Variants in ALMS1 observed in about 807,000 individuals in gnomAD.
ALMS1 encodes ALMS1 centrosome and basal body associated protein.
ALMS1 carries 271 observed loss-of-function variants against 352.2 expected under a neutral mutation model. The ratio of observed to expected loss-of-function variants is 0.77; its 90% CI spans 0.70 to 0.85. ALMS1 has a LOEUF of 0.85. Among genes scored for constraint, ALMS1 ranks in the 40% least tolerant of loss-of-function variants. The probability of loss-of-function intolerance (pLI) is 0.00; values close to 1 mark genes in which losing one functional copy is unlikely to be tolerated. For synonymous variants in ALMS1, 1,865 were observed against 1,761.2 expected (o/e 1.06, Z -1.48); for missense variants, 5,445 against 4,870.7 (o/e 1.12, Z -3.51).
At chr2:73,514,994 T>A (rs1558677198) in intron 10 of ALMS1, among the ~76,000 whole-genome samples, 1 of 152,182 alleles carries the variant, frequency 6.6e-6, no homozygotes, top group Non-Finnish European at 1.5e-5. Flanking sequence ...TCTACCTGTT[T>A]TGGAAAATTC....
intron 10 of ALMS1, among the ~76,000 whole-genome samples, chr2:73,512,996 G>A (rs960365158): frequency 6.6e-6 from 1 of 152,078 alleles, no homozygotes; most frequent in Non-Finnish European, 1.5e-5. Context: ...AAAACCATAT[G>A]TTCATCTCAT....
chr2:73,546,211 G>GA (rs1262702376), intron 12 of ALMS1, among the ~76,000 whole-genome samples: 1 of 152,146 alleles, frequency 6.6e-6, no homozygotes, highest in Non-Finnish European at 1.5e-5. Context: ...CTACTTTAGT[G>GA]AAAAAATAGT....
intron 12 of ALMS1, among the ~76,000 whole-genome samples, chr2:73,539,944 T>C (rs1189317408): frequency 6.6e-6 from 1 of 152,214 alleles, no homozygotes; most frequent in East Asian, 1.9e-4. Context: ...TGGAAAATAC[T>C]CTGCAGGATA....
chr2:73,599,807 T>C (rs995385360), intron 17 of ALMS1, among the ~76,000 whole-genome samples: 1 of 152,226 alleles, frequency 6.6e-6, no homozygotes, highest in Non-Finnish European at 1.5e-5. Flanking sequence ...GCATTTTTAC[T>C]TTTGAAATGT....
intron 1 of ALMS1, among the ~76,000 whole-genome samples, chr2:73,396,854 C>T (rs1408026968): frequency 6.6e-6 from 1 of 152,042 alleles, no homozygotes; most frequent in Non-Finnish European, 1.5e-5. Flanking sequence ...CCGTGTTAGA[C>T]GGGATGGTCT....
chr2:73,391,983 A>G (rs964083081), intron 1 of ALMS1, among the ~76,000 whole-genome samples: 1 of 151,902 alleles, frequency 6.6e-6, no homozygotes, highest in African/African-American at 2.4e-5. Context: ...CTTTTCAGTA[A>G]GGGTTTCTAG....
At chr2:73,393,207 A>G (rs966045264) in intron 1 of ALMS1, among the ~76,000 whole-genome samples, 5 of 152,110 alleles carry the variant, frequency 3.3e-5, no homozygotes, top group East Asian at 1.9e-4. Context: ...TCCCTTATCA[A>G]TCAAGGGATT....
At chr2:73,565,113 A>G (rs1435816058) in intron 15 of ALMS1, among the ~76,000 whole-genome samples, 1 of 152,364 alleles carries the variant, frequency 6.6e-6, no homozygotes, top group East Asian at 1.9e-4. Flanking sequence ...TACCAAGCTC[A>G]TAGTCAAGGC....
chr2:73,531,990 G>T (rs1572999213), intron 11 of ALMS1, among the ~76,000 whole-genome samples: 1 of 152,256 alleles, frequency 6.6e-6, no homozygotes, highest in East Asian at 1.9e-4. Flanking sequence ...ATGACATTTG[G>T]TTGGGTACTC....
Position 73,452,926 on chromosome 2 carries a change from A to T in ALMS1, c.6399A>T (p.Val2133=), listed in dbSNP as rs373859455. ...TIPGPAGQKT[V]LPTALPSSFS... ...CTGGACCAGCTGGCCAGAAAACAGTATTACCAACAGCTCTTCCTAGTTCCT... is the reference window on the plus strand; with the variant it reads ...CTGGACCAGCTGGCCAGAAAACAGTTTTACCAACAGCTCTTCCTAGTTCCT... Residue 2133 remains valine, a synonymous_variant, in exon 8 of 23, where the codon GTA becomes GTT. Transcript: ENST00000613296. The T allele has an allele frequency of 1.2e-6, 2 of 1,613,712 alleles. No individual in the cohort carries two copies. Among genetic ancestry groups the T allele is most frequent in the African/African-American group, 1.3e-5 (1 of 74,936 alleles).
intron 7 of ALMS1, among the ~76,000 whole-genome samples, chr2:73,434,523 T>C (rs1406346547): frequency 6.6e-6 from 1 of 152,218 alleles, no homozygotes; most frequent in African/African-American, 2.4e-5. Context: ...TTCTGTAGAA[T>C]GTACAGTTTG....
chr2:73,551,266 T>C (rs1674425355), intron 13 of ALMS1, among the ~76,000 whole-genome samples: 1 of 152,064 alleles, frequency 6.6e-6, no homozygotes. Context: ...CTCGCATTCA[T>C]TCATGGTGGT....
chr2:73,450,618 C>T lies in ALMS1; in HGVS notation c.4091C>T (p.Ser1364Phe). 3 of 1,613,040 alleles carry T rather than the reference C, an allele frequency of 1.9e-6. No homozygotes were observed. The highest frequency in any genetic ancestry group is 2.5e-6 in the Non-Finnish European group (3 of 1,179,800). ...GAGGCTCTGAAAATTTCAGTTGCCT[C>T]TGAACCAGTTGACCAGACAACTGGC... ...TEEALKISVASEPVDQTTGTP... is the reference protein window; with the variant it reads ...TEEALKISVAFEPVDQTTGTP... Residue 1364 changes from serine (S) to phenylalanine (F), a missense_variant, in exon 8 of 23, where the codon TCT becomes TTT. Transcript: ENST00000613296.
At chr2:73,558,624 T>G (rs190913152) in intron 14 of ALMS1, among the ~76,000 whole-genome samples, 14 of 152,316 alleles carry the variant, frequency 9.2e-5, no homozygotes, top group Admixed American at 9.2e-4. Context: ...CTGACACCAT[T>G]CTTGTGTTAT....
rs1369643461 is a variant in ALMS1 at position 73,545,145 on chromosome 2, C to G, written c.9908-5122C>G. On this transcript the variant is annotated intron_variant, in intron 12 of 22. Coordinates refer to ENST00000613296, the MANE Select transcript of ALMS1 (RefSeq NM_001378454.1). Reference sequence around the variant, plus strand: ...AACAGTGTGAATATACTTAATGCCACTGAAGTGTACACTTAAAAATGATTA... The same window carrying G: ...AACAGTGTGAATATACTTAATGCCAGTGAAGTGTACACTTAAAAATGATTA... 2.7e-5 allele frequency among the ~76,000 whole-genome samples: 4 copies of G among 150,496 alleles called. No homozygotes were observed. In the East Asian group the frequency reaches 7.8e-4, roughly 29 times the overall value.
At chr2:73,462,613 C>G (rs994664752) in intron 9 of ALMS1, among the ~76,000 whole-genome samples, 2 of 152,178 alleles carry the variant, frequency 1.3e-5, no homozygotes, top group Non-Finnish European at 2.9e-5. Flanking sequence ...ACAATATTAA[C>G]TTTAAATGTA....
Position 73,451,486 on chromosome 2 carries a change from G to A in ALMS1, c.4959G>A (p.Gln1653=), listed in dbSNP as rs577161825. ...KVSAAPGPAD[Q]KTETLPVHST... is the part of the protein sequence containing the mutation. ...CAGCTGCTCCTGGACCAGCTGACCA[G>A]AAGACTGAGACATTACCAGTACATT... Residue 1653 remains glutamine, a synonymous_variant, in exon 8 of 23, where the codon CAG becomes CAA. Transcript: ENST00000613296. The A allele has an allele frequency of 1.9e-6, 3 of 1,614,070 alleles. No individual in the cohort carries two copies. The highest frequency in any genetic ancestry group is 2.2e-5 in the South Asian group (2 of 91,072).
chr2:73,464,733 G>A (rs1188650315), intron 9 of ALMS1, among the ~76,000 whole-genome samples: 1 of 152,150 alleles, frequency 6.6e-6, no homozygotes. Flanking sequence ...AAGCTGATAA[G>A]CAACTTCAGC....
At chr2:73,466,992 C>G (rs1270364031) in intron 9 of ALMS1, among the ~76,000 whole-genome samples, 1 of 152,064 alleles carries the variant, frequency 6.6e-6, no homozygotes, top group Non-Finnish European at 1.5e-5. Flanking sequence ...CTACATCATA[C>G]CTTACTACAA....
Sources: gnomAD v4.1 joint callset for allele counts (sites outside exome capture counted in the v4.1 genomes callset) on GRCh38, gnomAD v4.1.1 for gene constraint, MANE v1.5 for transcripts, NCBI Gene and HGNC (gene_info 2026-07-23, HGNC 2026-07-21) for gene names.